The following ADRA2A variants were observed in gnomAD, a reference collection of about 807,000 sequenced individuals.
The protein encoded by ADRA2A is adrenoceptor alpha 2A, also known as alpha-2A adrenergic receptor.
Under a neutral mutation model 5.9 loss-of-function variants are expected in ADRA2A, and 6 were observed. The observed-to-expected ratio is 1.01, with a 90% CI of 0.55 to 2.00. ADRA2A has a LOEUF of 2.00. ADRA2A is among the 30% of genes most tolerant of loss of function. ADRA2A has a pLI of 0.00. For synonymous variants in ADRA2A, 345 were observed against 325.9 expected (o/e 1.06, Z -0.63); for missense variants, 647 against 690.0 (o/e 0.94, Z 0.70).
rs1172367034 is a variant in ADRA2A at position 111,077,059 on chromosome 10, G to A, written c.-938G>A. On this transcript the variant is annotated 5_prime_UTR_variant, in exon 1 of 1. Coordinates refer to ENST00000280155, the MANE Select transcript of ADRA2A (RefSeq NM_000681.4). The stretch of plus-strand genomic sequence containing the variant: ...GCAGCAGCTCCAGCTCGGTGCAGAA[G>A]CCCAGCAGCCGGCGTGCCGCCGCCC... 6.5e-6 allele frequency: 1 copy of A among 153,130 alleles called. No homozygotes were observed. The highest frequency in any genetic ancestry group is 1.9e-4 in the East Asian group (1 of 5,200). The allele number at this position is 153,130 out of a possible 1,614,324, so 9.5% of individuals were successfully genotyped here. A position where few individuals can be genotyped will look rare whatever the true frequency, so the allele number is the denominator to read the frequency against.
At position 111,079,912 on chromosome 10, in the gene ADRA2A, T is replaced by A. The variant is rs1468840261; in HGVS notation, c.*518T>A. ...TGATAGCACACATGGGGCCCCCATA[T>A]CTCTTGGCCTTGGTTTTGATGTTGA... On this transcript the variant is annotated 3_prime_UTR_variant, in exon 1 of 1. Transcript: ENST00000280155. 1 of 169,304 alleles carries A rather than the reference T, an allele frequency of 5.9e-6. No individual in the cohort carries two copies. Among genetic ancestry groups the A allele is most frequent in the Non-Finnish European group, 1.4e-5 (1 of 69,662 alleles). The allele number at this position is 169,304 out of a possible 1,614,324, so 10.5% of individuals were successfully genotyped here.
In ADRA2A at chr10:111,078,812, C is replaced by A; in HGVS notation, c.816C>A (p.Arg272=). The A allele has an allele frequency of 8.1e-7, 1 of 1,233,024 alleles. No individual in the cohort carries two copies. Among genetic ancestry groups the A allele is most frequent in the Non-Finnish European group, 1.0e-6 (1 of 982,358 alleles). The allele number at this position is 1,233,024 out of a possible 1,614,324, so 76.4% of individuals were successfully genotyped here. ...ERRPNGLGPE[R]SAGPGGAEAE... Reference sequence around the variant, plus strand: ...GGCCCAACGGTCTGGGCCCCGAGCGCAGCGCGGGCCCGGGGGGCGCAGAGG... The same window carrying A: ...GGCCCAACGGTCTGGGCCCCGAGCGAAGCGCGGGCCCGGGGGGCGCAGAGG... Residue 272 remains arginine (R), a synonymous_variant, in exon 1 of 1, where the codon CGC becomes CGA. Transcript: ENST00000280155.
rs761906446 is a variant in ADRA2A, at chr10:111,078,665, C to G, written c.669C>G (p.Pro223=). The part of the protein sequence containing the change: ...ISSCIGSFFA[P]CLIMILVYVR... ...CGTGCATCGGCTCCTTCTTCGCTCCCTGCCTCATCATGATCCTGGTCTACG... is the reference window on the plus strand; with the variant it reads ...CGTGCATCGGCTCCTTCTTCGCTCCGTGCCTCATCATGATCCTGGTCTACG... The change falls in exon 1 of 1, where the codon CCC becomes CCG. Residue 223 remains proline (P), a synonymous_variant. Coordinates refer to ENST00000280155, the MANE Select transcript of ADRA2A (RefSeq NM_000681.4). 6.3e-7 allele frequency: 1 copy of G among 1,583,530 alleles called. No individual in the cohort carries two copies. The highest frequency in any genetic ancestry group is 8.6e-7 in the Non-Finnish European group (1 of 1,164,000).
chr10:111,079,370 G>A lies in ADRA2A; in HGVS notation c.1374G>A (p.Arg458=), dbSNP rs750581149. The part of the protein sequence containing the change: ...FRRAFKKILC[R]GDRKRIV Reference sequence around the variant, plus strand: ...GCGCCTTCAAGAAGATCCTCTGTCGGGGGGACAGGAAGCGGATCGTGTGAG... The same window carrying A: ...GCGCCTTCAAGAAGATCCTCTGTCGAGGGGACAGGAAGCGGATCGTGTGAG... The change falls in exon 1 of 1, where the codon CGG becomes CGA. Residue 458 remains arginine, a synonymous_variant. Coordinates refer to ENST00000280155, the MANE Select transcript of ADRA2A (RefSeq NM_000681.4). The A allele has an allele frequency of 1.9e-6, 3 of 1,613,902 alleles. No individual in the cohort carries two copies. The highest frequency in any genetic ancestry group is 2.7e-5 in the African/African-American group (2 of 74,950).
Position 111,078,302 on chromosome 10 carries a change from C to T in ADRA2A, c.306C>T (p.Ile102=), listed in dbSNP as rs761368313. The change falls in exon 1 of 1, where the codon ATC becomes ATT. Residue 102 remains isoleucine, a synonymous_variant. Transcript: ENST00000280155. ...SADILVATLV[I]PFSLANEVMG... ...ACATCCTGGTGGCCACGCTCGTCAT[C>T]CCTTTCTCGCTGGCCAACGAGGTCA... The T allele has an allele frequency of 3.1e-6, 5 of 1,613,984 alleles. No individual in the cohort carries two copies. In the South Asian group the frequency reaches 3.3e-5, roughly 11 times the overall value.
At position 111,078,568 on chromosome 10, in the gene ADRA2A, G is replaced by A. The variant is rs1843560926; in HGVS notation, c.572G>A (p.Gly191Asp). The change falls in exon 1 of 1, where the codon GGC becomes GAC. Residue 191 changes from glycine (G) to aspartate (D), a missense_variant. By Grantham distance (94) the Gly-to-Asp change is moderately conservative. Transcript: ENST00000280155. ...FPPLISIEKK[G>D]GGGGPQPAEP... ...CCGCTCATCTCCATCGAGAAGAAGGGCGGCGGCGGCGGCCCGCAGCCGGCC... is the reference window on the plus strand; with the variant it reads ...CCGCTCATCTCCATCGAGAAGAAGGACGGCGGCGGCGGCCCGCAGCCGGCC... The A allele has an allele frequency of 1.2e-6, 2 of 1,600,264 alleles. No individual in the cohort carries two copies. The highest frequency in any genetic ancestry group is 2.7e-5 in the African/African-American group (2 of 74,718).
At position 111,079,377 on chromosome 10, in the gene ADRA2A, A is replaced by T. The variant is rs1843572555; in HGVS notation, c.1381A>T (p.Arg461Trp). The change falls in exon 1 of 1, where the codon AGG becomes TGG. Residue 461 changes from arginine to tryptophan, a missense_variant. By Grantham distance (101) the Arg-to-Trp change is moderately radical (BLOSUM62 -3). This residue lies in a region of ADRA2A where 62 missense variants were observed against 59.8 expected (regional missense o/e 1.04). Transcript: ENST00000280155. Reference protein sequence around the residue: ...AFKKILCRGDRKRIV With the variant: ...AFKKILCRGDWKRIV Reference sequence around the variant, plus strand: ...CAAGAAGATCCTCTGTCGGGGGGACAGGAAGCGGATCGTGTGAGGTTTCCG... The same window carrying T: ...CAAGAAGATCCTCTGTCGGGGGGACTGGAAGCGGATCGTGTGAGGTTTCCG... The T allele has an allele frequency of 1.9e-6, 3 of 1,613,856 alleles. No homozygotes were observed. In the African/African-American group the frequency reaches 4.0e-5, roughly 22 times the overall value.
rs748646629 is a variant in ADRA2A at position 111,079,144 on chromosome 10, G to A, written c.1148G>A (p.Arg383His). Residue 383 changes from arginine to histidine, a missense_variant, in exon 1 of 1, where the codon CGC becomes CAC. By Grantham distance (29) the Arg-to-His change is conservative. Coordinates refer to ENST00000280155, the MANE Select transcript of ADRA2A (RefSeq NM_000681.4). ...TCGCGCTGGCGCGGGCGGCAGAACC[G>A]CGAGAAGCGCTTCACGTTCGTGCTG... ...KASRWRGRQN[R>H]EKRFTFVLAV... 3.7e-6 allele frequency: 6 copies of A among 1,607,652 alleles called. No homozygotes were observed. The highest frequency in any genetic ancestry group is 5.1e-6 in the Non-Finnish European group (6 of 1,176,500).
Position 111,079,674 on chromosome 10 carries a change from A to G in ADRA2A, c.*280A>G. On this transcript the variant is annotated 3_prime_UTR_variant, in exon 1 of 1. Coordinates refer to ENST00000280155, the MANE Select transcript of ADRA2A (RefSeq NM_000681.4). Reference sequence around the variant, plus strand: ...CTAATCACTATTGCTTCCTAAAGGTATTTTCACCCTCTTCGCCTGGTACAG... The same window carrying G: ...CTAATCACTATTGCTTCCTAAAGGTGTTTTCACCCTCTTCGCCTGGTACAG... 1.8e-6 allele frequency: 1 copy of G among 545,370 alleles called. No homozygotes were observed. The allele number at this position is 545,370 out of a possible 1,614,324, so 33.8% of individuals were successfully genotyped here. A position where few individuals can be genotyped will look rare whatever the true frequency, so the allele number is the denominator to read the frequency against.
chr10:111,077,718 C>G lies in ADRA2A; in HGVS notation c.-279C>G, dbSNP rs1843546228. ...ATCTCTCTTTACCCATCGGCTCTCC[C>G]TACTCTCTCCCGCCGCTTAGAAATA... is the stretch of plus-strand genomic sequence containing the variant. On this transcript the variant is annotated 5_prime_UTR_variant, in exon 1 of 1. Transcript: ENST00000280155. The G allele has an allele frequency of 4.2e-6, 1 of 236,472 alleles. No homozygotes were observed. Among genetic ancestry groups the G allele is most frequent in the African/African-American group, 2.2e-5 (1 of 45,188 alleles). The allele number at this position is 236,472 out of a possible 1,614,324, so 14.6% of individuals were successfully genotyped here. A position where few individuals can be genotyped will look rare whatever the true frequency, so the allele number is the denominator to read the frequency against.
chr10:111,079,478 A>G lies in ADRA2A; in HGVS notation c.*84A>G. ...GGGTGCTTAGCCCCAGGGCACTCAG[A>G]AACCCGGGCGCTGCCTGCTCTGCGT... On this transcript the variant is annotated 3_prime_UTR_variant, in exon 1 of 1. Coordinates refer to ENST00000280155, the MANE Select transcript of ADRA2A (RefSeq NM_000681.4). The G allele has an allele frequency of 6.8e-7, 1 of 1,463,266 alleles. No individual in the cohort carries two copies. Among genetic ancestry groups the G allele is most frequent in the Non-Finnish European group, 9.4e-7 (1 of 1,062,204 alleles). The allele number at this position is 1,463,266 out of a possible 1,614,324, so 90.6% of individuals were successfully genotyped here.
chr10:111,078,954 C>T lies in ADRA2A; in HGVS notation c.958C>T (p.Pro320Ser), dbSNP rs1438759350. The stretch of plus-strand genomic sequence containing the variant: ...CTCGTCTTCCGACCACGCCGAGCGG[C>T]CTCCAGGGCCCCGCAGACCCGAGCG... ...ESSSSDHAER[P>S]PGPRRPERGP... The change falls in exon 1 of 1, where the codon CCT becomes TCT. Residue 320 changes from proline (P) to serine (S), a missense_variant. Transcript: ENST00000280155. 2.4e-6 allele frequency: 3 copies of T among 1,238,742 alleles called. No homozygotes were observed. Among genetic ancestry groups the T allele is most frequent in the South Asian group, 3.0e-5 (1 of 33,016 alleles). 76.7% of individuals were successfully genotyped at this position (1,238,742 alleles called of 1,614,324 possible).
rs2134209949 is a variant in ADRA2A at position 111,080,728 on chromosome 10, A to C, written c.*1334A>C. 6.0e-6 allele frequency: 1 copy of C among 167,076 alleles called. No individual in the cohort carries two copies. Among genetic ancestry groups the C allele is most frequent in the Admixed American group, 6.5e-5 (1 of 15,292 alleles). 10.3% of individuals were successfully genotyped at this position (167,076 alleles called of 1,614,324 possible). On this transcript the variant is annotated 3_prime_UTR_variant, in exon 1 of 1. Transcript: ENST00000280155. The stretch of plus-strand genomic sequence containing the variant: ...ATTTCACTAAAGAAAAACTAATGTC[A>C]GCACATGTTGCTAATGACAGTGGAT...
In ADRA2A at chr10:111,078,724, G is replaced by T; in HGVS notation, c.728G>T (p.Arg243Leu). The T allele has an allele frequency of 6.7e-7, 1 of 1,502,808 alleles. No homozygotes were observed. The highest frequency in any genetic ancestry group is 1.8e-4 in the Middle Eastern group (1 of 5,662). The allele number at this position is 1,502,808 out of a possible 1,614,324, so 93.1% of individuals were successfully genotyped here. Residue 243 changes from arginine (R) to leucine (L), a missense_variant, in exon 1 of 1, where the codon CGC (arginine) becomes CTC (leucine). Arg to Leu is a moderately radical substitution (Grantham distance 102). This residue lies in a region of ADRA2A where 577 missense variants were observed against 605.4 expected (regional missense o/e 0.95). Coordinates refer to ENST00000280155, the MANE Select transcript of ADRA2A (RefSeq NM_000681.4). ...RIYQIAKRRTRVPPSRRGPDA... is the reference protein window; with the variant it reads ...RIYQIAKRRTLVPPSRRGPDA... ...TACCAGATCGCCAAGCGTCGCACCC[G>T]CGTGCCACCCAGCCGCCGGGGTCCG...
chr10:111,080,104 C>T lies in ADRA2A; in HGVS notation c.*710C>T, dbSNP rs1241098762. On this transcript the variant is annotated 3_prime_UTR_variant, in exon 1 of 1. Transcript: ENST00000280155. ...CGACACGGACCTGCTTTGAGATTTC[C>T]TGACAGGGAAAAGATTTCTGTCCAT... The T allele has an allele frequency of 6.0e-6, 1 of 167,134 alleles. No individual in the cohort carries two copies. Among genetic ancestry groups the T allele is most frequent in the Non-Finnish European group, 1.5e-5 (1 of 68,142 alleles). 10.4% of individuals were successfully genotyped at this position (167,134 alleles called of 1,614,324 possible). A position where few individuals can be genotyped will look rare whatever the true frequency, so the allele number is the denominator to read the frequency against.
rs776158717 is a variant in ADRA2A at position 111,078,065 on chromosome 10, G to C, written c.69G>C (p.Ala23=). ...FAPMGSLQPD[A]GNASWNGTEA... ...CCATGGGCTCCCTGCAGCCGGACGC[G>C]GGCAACGCGAGCTGGAACGGGACCG... Residue 23 remains alanine, a synonymous_variant, in exon 1 of 1, where the codon GCG becomes GCC. Coordinates refer to ENST00000280155, the MANE Select transcript of ADRA2A (RefSeq NM_000681.4). 6.5e-7 allele frequency: 1 copy of C among 1,541,592 alleles called. No homozygotes were observed. Among genetic ancestry groups the C allele is most frequent in the Middle Eastern group, 1.9e-4 (1 of 5,386 alleles).
At position 111,078,961 on chromosome 10, in the gene ADRA2A, G is replaced by A. The variant is rs1275506232; in HGVS notation, c.965G>A (p.Gly322Glu). 2 of 1,242,612 alleles carry A rather than the reference G, an allele frequency of 1.6e-6. No homozygotes were observed. Among genetic ancestry groups the A allele is most frequent in the Non-Finnish European group, 1.0e-6 (1 of 994,426 alleles). The allele number at this position is 1,242,612 out of a possible 1,614,324, so 77.0% of individuals were successfully genotyped here. The change falls in exon 1 of 1, where the codon GGG (glycine) becomes GAG (glutamate). Residue 322 changes from glycine (G) to glutamate (E), a missense_variant. Physicochemically the swap from Gly to Glu is moderately conservative, Grantham distance 98. Transcript: ENST00000280155. ...TCCGACCACGCCGAGCGGCCTCCAG[G>A]GCCCCGCAGACCCGAGCGCGGTCCC... ...SSSDHAERPP[G>E]PRRPERGPRG... is the part of the protein sequence containing the mutation.
At position 111,079,154 on chromosome 10, in the gene ADRA2A, C is replaced by T; in HGVS notation, c.1158C>T (p.Arg386=). 6.2e-7 allele frequency: 1 copy of T among 1,611,756 alleles called. No individual in the cohort carries two copies. Among genetic ancestry groups the T allele is most frequent in the Non-Finnish European group, 8.5e-7 (1 of 1,178,790 alleles). The change falls in exon 1 of 1, where the codon CGC becomes CGT. Residue 386 remains arginine, a synonymous_variant. Coordinates refer to ENST00000280155, the MANE Select transcript of ADRA2A (RefSeq NM_000681.4). ...RWRGRQNREK[R]FTFVLAVVIG... ...GCGGGCGGCAGAACCGCGAGAAGCG[C>T]TTCACGTTCGTGCTGGCCGTGGTCA...
Position 111,079,236 on chromosome 10 carries a change from G to A in ADRA2A, c.1240G>A (p.Val414Ile), listed in dbSNP as rs765952169. The change falls in exon 1 of 1, where the codon GTC (valine) becomes ATC (isoleucine). Residue 414 changes from valine to isoleucine, a missense_variant. By Grantham distance (29) the Val-to-Ile change is conservative (BLOSUM62 3). Around this residue, in one of 3 missense-constraint regions of ADRA2A, gnomAD observed 8 missense variants for 24.9 expected, o/e 0.32. Transcript: ENST00000280155. ...CTTCTTCACCTACACGCTCACGGCC[G>A]TCGGGTGCTCCGTGCCACGCACGCT... ...PFFFTYTLTA[V>I]GCSVPRTLFK... 4 of 1,614,126 alleles carry A rather than the reference G, an allele frequency of 2.5e-6. No individual in the cohort carries two copies. The highest frequency in any genetic ancestry group is 1.1e-5 in the South Asian group (1 of 91,088).
Sources: gnomAD v4.1 joint callset for allele counts on GRCh38, gnomAD v4.1.1 for gene constraint, gnomAD v4.1.1 regional missense constraint, MANE v1.5 for transcripts, NCBI Gene and HGNC (gene_info 2026-07-23, HGNC 2026-07-21) for gene names.